Variants in CHCHD6 observed in about 807,000 individuals in gnomAD.
CHCHD6 encodes the protein MICOS complex subunit MIC25.
A neutral mutation model predicts 32.3 loss-of-function variants in CHCHD6; 28 were observed. The observed-to-expected ratio is 0.87, with a 90% CI of 0.64 to 1.19. The LOEUF (loss-of-function observed/expected upper bound fraction) is 1.19, where lower values mean the gene tolerates loss of function less well. CHCHD6 is among the 50% of genes most tolerant of loss of function. CHCHD6 has a pLI of 0.00. For missense variants in CHCHD6, 333 were observed against 307.0 expected, an observed-to-expected ratio of 1.08 and a Z score of -0.63; for synonymous variants, 122 against 117.5, an observed-to-expected ratio of 1.04 and a Z score of -0.25.
At chr3:126,824,375 A>G (rs533094472) in intron 4 of CHCHD6, among the ~76,000 whole-genome samples, 77 of 151,308 alleles carry the variant, frequency 5.1e-4, no homozygotes, top group African/African-American at 1.7e-3. Context: ...CAGCCTGACC[A>G]ACATGGAGAA....
intron 5 of CHCHD6, among the ~76,000 whole-genome samples, chr3:126,905,776 G>A (rs2077996306): frequency 6.6e-6 from 1 of 152,176 alleles, no homozygotes; most frequent in Admixed American, 6.5e-5. Flanking sequence ...AGGAGACAGG[G>A]TTCTCTGAAT....
intron 6 of CHCHD6, among the ~76,000 whole-genome samples, chr3:126,926,727 T>G (rs1162147190): frequency 6.6e-6 from 1 of 152,120 alleles, no homozygotes; most frequent in Admixed American, 6.5e-5. Context: ...CTGCAGGCAG[T>G]GGCAAGTCAT....
At chr3:126,780,808 A>T (rs1322923320) in intron 4 of CHCHD6, among the ~76,000 whole-genome samples, 1 of 152,224 alleles carries the variant, frequency 6.6e-6, no homozygotes, top group Non-Finnish European at 1.5e-5. Flanking sequence ...TTAACAGCCC[A>T]ACCATGTATT....
At chr3:126,724,228 G>T (rs919813409) in intron 1 of CHCHD6, among the ~76,000 whole-genome samples, 1 of 152,180 alleles carries the variant, frequency 6.6e-6, no homozygotes, top group Non-Finnish European at 1.5e-5. Context: ...AAGCACATGT[G>T]TGTTGTCAGG....
chr3:126,869,283 G>A (rs1180178954), intron 5 of CHCHD6, among the ~76,000 whole-genome samples: 8 of 139,634 alleles, frequency 5.7e-5, no homozygotes, highest in Admixed American at 5.0e-4. Context: ...TTGCACACCA[G>A]TCTCCTTTTT....
intron 4 of CHCHD6, among the ~76,000 whole-genome samples, chr3:126,791,888 G>A (rs966672811): frequency 1.3e-5 from 2 of 152,250 alleles, no homozygotes; most frequent in Admixed American, 1.3e-4. Flanking sequence ...TGGGATTATA[G>A]GCATGAGCCA....
chr3:126,735,047 A>G (rs542451982), intron 4 of CHCHD6, among the ~76,000 whole-genome samples: 1 of 152,250 alleles, frequency 6.6e-6, no homozygotes, highest in Admixed American at 6.5e-5. Context: ...TCTTGCAGTC[A>G]GTCTCTGAGA....
chr3:126,892,705 G>A (rs1109799), intron 5 of CHCHD6, among the ~76,000 whole-genome samples: 18,414 of 152,086 alleles, frequency 0.12, 1,267 homozygotes, highest in South Asian at 0.28. Context: ...TATGAGACAT[G>A]AGTTTAGAAA....
intron 5 of CHCHD6, among the ~76,000 whole-genome samples, chr3:126,906,027 A>G (rs143138710): frequency 0.012 from 1,813 of 152,300 alleles, 20 homozygotes; most frequent in Middle Eastern, 0.048. Context: ...AGTTCTGACC[A>G]GGGCCAAGCT....
At position 126,716,176 on chromosome 3, in the gene CHCHD6, G is replaced by C. The variant is rs138885583; in HGVS notation, c.88-10902G>C. Reference sequence around the variant, plus strand: ...ACTGACTCCCAGTTCCAGCTTCCTTGGTTTGCCATCCAAGGCTCTCAACAG... The same window carrying C: ...ACTGACTCCCAGTTCCAGCTTCCTTCGTTTGCCATCCAAGGCTCTCAACAG... On this transcript the variant is annotated intron_variant, in intron 1 of 7. Coordinates refer to ENST00000290913, the MANE Select transcript of CHCHD6 (RefSeq NM_032343.3). 2.2e-3 allele frequency among the ~76,000 whole-genome samples: 341 copies of C among 152,268 alleles called. 4 individuals carry two copies. The South Asian group carries it at 0.034, about 15-fold the overall frequency.
Position 126,863,807 on chromosome 3 carries a change from TCATCACCACCTCCTCCTCTAC to T in CHCHD6, c.495+11096_495+11116del, listed in dbSNP as rs1263501739. Among the ~76,000 whole-genome samples the T allele has an allele frequency of 9.6e-4, 91 of 94,804 alleles. 1 individual carries two copies. In the East Asian group the frequency reaches 0.031, roughly 32 times the overall value. The allele number at this position is 94,804 out of a possible 152,430, so 62.2% of individuals were successfully genotyped here. A position where few individuals can be genotyped will look rare whatever the true frequency, so the allele number is the denominator to read the frequency against. ...ATCAGCACCTTCTCCTCCTCTACCA[TCATCACCACCTCCTCCTCTAC>T]CATCACCACCTCCTCCTCCACCATC... On this transcript the variant is annotated intron_variant, in intron 5 of 7. Coordinates refer to ENST00000290913, the MANE Select transcript of CHCHD6 (RefSeq NM_032343.3).
In CHCHD6 at chr3:126,812,351, A is replaced by C. The variant is rs191056921; in HGVS notation, c.412-40296A>C. 1.6e-4 allele frequency among the ~76,000 whole-genome samples: 22 copies of C among 137,088 alleles called. 1 individual carries two copies. The highest frequency in any genetic ancestry group is 2.8e-4 in the Non-Finnish European group (18 of 65,104). The allele number at this position is 137,088 out of a possible 152,430, so 89.9% of individuals were successfully genotyped here. ...TTTTTGGCATGATGTTATCAATCTC[A>C]TGTTAAAAATTTGTCAAGAACATCT... On this transcript the variant is annotated intron_variant, in intron 4 of 7. Coordinates refer to ENST00000290913, the MANE Select transcript of CHCHD6 (RefSeq NM_032343.3).
In CHCHD6 at chr3:126,837,674, GT is replaced by G. The variant is rs559614907; in HGVS notation, c.412-14971del. ...TACTGACTGGTAATAAATGGTCACT[GT>G]TGCTTTTATAGATTCATGCCTGGTT... On this transcript the variant is annotated intron_variant, in intron 4 of 7. Transcript: ENST00000290913. 8.1e-4 allele frequency among the ~76,000 whole-genome samples: 124 copies of G among 152,310 alleles called. 1 individual carries two copies. The highest frequency in any genetic ancestry group is 2.8e-3 in the African/African-American group (117 of 41,558).
chr3:126,781,358 T>C (rs1289285365), intron 4 of CHCHD6, among the ~76,000 whole-genome samples: 1 of 152,228 alleles, frequency 6.6e-6, no homozygotes, highest in Non-Finnish European at 1.5e-5. Flanking sequence ...ATACTCTAAT[T>C]TGGCCTGAGG....
intron 4 of CHCHD6, among the ~76,000 whole-genome samples, chr3:126,847,539 G>A (rs1055910282): frequency 1.6e-4 from 25 of 152,104 alleles, no homozygotes; most frequent in African/African-American, 6.0e-4. Context: ...CCATCACTTT[G>A]CCATATTCTA....
chr3:126,717,623 T>G (rs1250441594), intron 1 of CHCHD6, among the ~76,000 whole-genome samples: 1 of 152,196 alleles, frequency 6.6e-6, no homozygotes, highest in Non-Finnish European at 1.5e-5. Context: ...AAAAGAAATC[T>G]GTAGCCATTT....
chr3:126,767,016 A>G, intron 4 of CHCHD6: 1 of 875,084 alleles, frequency 1.1e-6, no homozygotes, highest in East Asian at 2.4e-5. Flanking sequence ...CATTTGGTAC[A>G]GGCAGGATCT....
chr3:126,888,742 T>A (rs2107576684), intron 5 of CHCHD6, among the ~76,000 whole-genome samples: 1 of 152,214 alleles, frequency 6.6e-6, no homozygotes, highest in East Asian at 1.9e-4. Context: ...CACTCAGGGG[T>A]GTGCCTGCTC....
At chr3:126,883,933 C>T (rs953426251) in intron 5 of CHCHD6, among the ~76,000 whole-genome samples, 1 of 152,178 alleles carries the variant, frequency 6.6e-6, no homozygotes, top group Non-Finnish European at 1.5e-5. Flanking sequence ...ATTTGCACAG[C>T]TTGGAGAGCA....
Sources: allele counts gnomAD v4.1 joint callset (sites outside exome capture counted in the v4.1 genomes callset), GRCh38; gene constraint gnomAD v4.1.1; transcripts MANE v1.5; gene names NCBI Gene and HGNC (gene_info 2026-07-23, HGNC 2026-07-21).